UTP20: variants seen among roughly 807,000 people sequenced by gnomAD.
UTP20 encodes the protein small subunit processome component 20 homolog.
Under a neutral mutation model 329.5 loss-of-function variants are expected in UTP20, and 164 were observed. The ratio of observed to expected loss-of-function variants is 0.50; its 90% CI spans 0.44 to 0.57. The LOEUF (loss-of-function observed/expected upper bound fraction) is 0.57, where lower values mean the gene tolerates loss of function less well. Ranked by LOEUF, UTP20 falls within the 20% of genes least tolerant of loss-of-function variation. UTP20 has a pLI of 0.00. For synonymous variants in UTP20, 1,151 were observed against 1,159.3 expected (o/e 0.99, Z 0.14); for missense variants, 3,055 against 3,284.2 (o/e 0.93, Z 1.71).
In UTP20 at chr12:101,372,862, T is replaced by A. The variant is rs1870338740; in HGVS notation, c.6799-22T>A. ...ACTAGAGGTGAGATCCAAATAATCA[T>A]CTGTGTGACTTTTGTTCCTAGGTTT... On this transcript the variant is annotated intron_variant, in intron 51 of 61. Transcript: ENST00000261637. 3 of 1,591,624 alleles carry A rather than the reference T, an allele frequency of 1.9e-6. No homozygotes were observed. The African/African-American group carries it at 4.0e-5, about 21-fold the overall frequency.
At chr12:101,358,244 A>T (rs1277860598) in intron 43 of UTP20, among the ~76,000 whole-genome samples, 2 of 152,222 alleles carry the variant, frequency 1.3e-5, no homozygotes, top group Non-Finnish European at 2.9e-5. Context: ...GTCTACTGAG[A>T]ATCAGTATTT....
chr12:101,282,453 TG>T (rs1871830951), intron 2 of UTP20, among the ~76,000 whole-genome samples: 1 of 118,728 alleles, frequency 8.4e-6, no homozygotes, highest in Admixed American at 8.0e-5. Flanking sequence ...GTTATAGGTG[TG>T]TATAGGGTGT....
intron 38 of UTP20, among the ~76,000 whole-genome samples, chr12:101,351,049 C>T (rs1869501725): frequency 6.6e-6 from 1 of 152,058 alleles, no homozygotes; most frequent in Non-Finnish European, 1.5e-5. Flanking sequence ...ATAAGCCTCA[C>T]TTTATTTATT....
chr12:101,323,283 A>G (rs950390356), intron 25 of UTP20, among the ~76,000 whole-genome samples: 2 of 152,214 alleles, frequency 1.3e-5, no homozygotes, highest in African/African-American at 4.8e-5. Flanking sequence ...AGAAAATCTT[A>G]CATTGAATAC....
At position 101,340,554 on chromosome 12, in the gene UTP20, A is replaced by G. The variant is rs972108450; in HGVS notation, c.4045A>G (p.Ser1349Gly). Reference sequence around the variant, plus strand: ...CAAGTTTATGAAAGACAAAGAACAAAGTTCTGTACTCATTACGCTTCTCCT... The same window carrying G: ...CAAGTTTATGAAAGACAAAGAACAAGGTTCTGTACTCATTACGCTTCTCCT... The part of the protein sequence containing the change: ...ISKFMKDKEQ[S>G]SVLITLLLPF... Residue 1349 changes from serine (S) to glycine (G), a missense_variant, in exon 32 of 62, where the codon AGT becomes GGT. Coordinates refer to ENST00000261637, the MANE Select transcript of UTP20 (RefSeq NM_014503.3). 5 of 1,609,666 alleles carry G rather than the reference A, an allele frequency of 3.1e-6. No homozygotes were observed. The highest frequency in any genetic ancestry group is 4.2e-6 in the Non-Finnish European group (5 of 1,178,260).
chr12:101,355,082 T>C lies in UTP20; in HGVS notation c.5358T>C (p.Asp1786=), dbSNP rs771822578. The change falls in exon 41 of 62, where the codon GAT becomes GAC. Residue 1786 remains aspartate, a synonymous_variant. Transcript: ENST00000261637. The part of the protein sequence containing the change: ...IKNIQGTITG[D]ILPRLHKCLA... ...ATATCCAAGGAACCATAACCGGGGA[T>C]ATTCTCCCCAGGCTACATAAATGCC... is the stretch of plus-strand genomic sequence containing the variant. 6.2e-7 allele frequency: 1 copy of C among 1,614,136 alleles called. No homozygotes were observed. Among genetic ancestry groups the C allele is most frequent in the South Asian group, 1.1e-5 (1 of 91,078 alleles).
chr12:101,383,495 G>C, intron 59 of UTP20, 48 bp from the exon 60 acceptor site: 1 of 1,594,990 alleles, frequency 6.3e-7, no homozygotes, highest in South Asian at 1.1e-5. Flanking sequence ...CTATGATTGA[G>C]TGCTAAAGAG....
rs965719209 is a variant in UTP20 at position 101,280,112 on chromosome 12, C to G, written c.-171C>G. The G allele has an allele frequency of 2.5e-6, 2 of 795,102 alleles. No homozygotes were observed. Among genetic ancestry groups the G allele is most frequent in the Middle Eastern group, 2.4e-4 (1 of 4,134 alleles). 49.3% of individuals were successfully genotyped at this position (795,102 alleles called of 1,614,324 possible). Reference sequence around the variant, plus strand: ...TTTCCGTCCACGTGACCCACTCAGGCTCCTCCTTGTCTCCAACATGGCGGC... The same window carrying G: ...TTTCCGTCCACGTGACCCACTCAGGGTCCTCCTTGTCTCCAACATGGCGGC... On this transcript the variant is annotated 5_prime_UTR_variant, in exon 1 of 62. Transcript: ENST00000261637.
At chr12:101,290,683 C>G in intron 7 of UTP20, 50 bp from the exon 8 acceptor site, 8 of 1,539,726 alleles carry the variant, frequency 5.2e-6, no homozygotes, top group Non-Finnish European at 7.0e-6. Context: ...CAGAGCAATA[C>G]TTGAAAATAA....
At position 101,356,613 on chromosome 12, in the gene UTP20, C is replaced by T. The variant is rs577076209; in HGVS notation, c.5454C>T (p.Val1818=). Residue 1818 remains valine, a synonymous_variant, in exon 42 of 62, where the codon GTC becomes GTT. Transcript: ENST00000261637. ...VKSKVVNDEE[V]VRVPLAFAMV... is the part of the protein sequence containing the mutation. ...CAAAGGTTGTGAATGATGAGGAAGT[C>T]GTTCGAGTTCCATTAGCTTTTGCCA... is the stretch of plus-strand genomic sequence containing the variant. The T allele has an allele frequency of 2.0e-4, 316 of 1,613,894 alleles. No homozygotes were observed. The highest frequency in any genetic ancestry group is 1.6e-3 in the Middle Eastern group (10 of 6,062).
intron 56 of UTP20, among the ~76,000 whole-genome samples, 180 bp downstream of exon 56, chr12:101,375,936 A>T (rs929247149): frequency 6.6e-6 from 1 of 152,100 alleles, no homozygotes; most frequent in Admixed American, 6.6e-5. Flanking sequence ...TCCCTTCTGA[A>T]AAAAAAACGT....
chr12:101,298,164 A>T (rs764617312), intron 12 of UTP20, among the ~76,000 whole-genome samples: 1 of 152,208 alleles, frequency 6.6e-6, no homozygotes, highest in Non-Finnish European at 1.5e-5. Flanking sequence ...TACTTACGGT[A>T]TCAGGCACTG....
rs534808924 is a variant in UTP20 at position 101,321,199 on chromosome 12, G to A, written c.2915+262G>A. ...CTCTTCTTATTAATATAATGCCATA[G>A]AATCTTGGTGGTTACTTAGAGAATC... On this transcript the variant is annotated intron_variant, in intron 24 of 61. Coordinates refer to ENST00000261637, the MANE Select transcript of UTP20 (RefSeq NM_014503.3). Among the ~76,000 whole-genome samples the A allele has an allele frequency of 2.0e-4, 30 of 152,230 alleles. No homozygotes were observed. The South Asian group carries it at 6.2e-3, about 32-fold the overall frequency.
chr12:101,309,296 T>G (rs1437178654), intron 18 of UTP20, among the ~76,000 whole-genome samples: 1 of 152,198 alleles, frequency 6.6e-6, no homozygotes, highest in African/African-American at 2.4e-5. Context: ...CATGGGAATG[T>G]TAGTAATAAT....
At chr12:101,378,494 C>G (rs1052258842) in intron 56 of UTP20, among the ~76,000 whole-genome samples, 11 of 152,194 alleles carry the variant, frequency 7.2e-5, no homozygotes, top group African/African-American at 2.2e-4. Flanking sequence ...AAGGCTGAGG[C>G]AAGTGGATCA....
chr12:101,382,364 CT>C (rs1358011557), intron 58 of UTP20, among the ~76,000 whole-genome samples: 1 of 152,150 alleles, frequency 6.6e-6, no homozygotes, highest in Non-Finnish European at 1.5e-5. Flanking sequence ...CACCACTGCA[CT>C]CCAGCCTGGG....
At chr12:101,350,887 G>A (rs1015690049) in intron 38 of UTP20, among the ~76,000 whole-genome samples, 1 of 152,134 alleles carries the variant, frequency 6.6e-6, no homozygotes, top group Admixed American at 6.5e-5. Flanking sequence ...CCTCTGTGCA[G>A]CTCTCCTCTC....
intron 56 of UTP20, among the ~76,000 whole-genome samples, chr12:101,379,119 A>C (rs1014028529): frequency 1.3e-5 from 2 of 152,192 alleles, no homozygotes; most frequent in Non-Finnish European, 2.9e-5. Flanking sequence ...TGTACAGTAC[A>C]TCGTTGTTAA....
In UTP20 at chr12:101,292,060, A is replaced by T. The variant is rs79571582; in HGVS notation, c.1129A>T (p.Asn377Tyr). ...DVISALILGE[N>Y]VSLPETLIKE... ...AATTTCTGCTTTGATCCTGGGTGAAAATGTTTCCTTGCCGGAGACCCTCAT... is the reference window on the plus strand; with the variant it reads ...AATTTCTGCTTTGATCCTGGGTGAATATGTTTCCTTGCCGGAGACCCTCAT... The change falls in exon 10 of 62, where the codon AAT becomes TAT. Residue 377 changes from asparagine to tyrosine, a missense_variant. Physicochemically the swap from Asn to Tyr is moderately radical, Grantham distance 143. This residue lies in a region of UTP20 where 2,445 missense variants were observed against 2,575.5 expected (regional missense o/e 0.95). Coordinates refer to ENST00000261637, the MANE Select transcript of UTP20 (RefSeq NM_014503.3). The T allele has an allele frequency of 4.0e-4, 638 of 1,614,042 alleles. 1 individual carries two copies. The African/African-American group carries it at 7.2e-3, about 18-fold the overall frequency.
Sources: allele counts gnomAD v4.1 joint callset (sites outside exome capture counted in the v4.1 genomes callset), GRCh38; gene constraint gnomAD v4.1.1; regional missense constraint gnomAD v4.1.1; transcripts MANE v1.5; gene names NCBI Gene and HGNC (gene_info 2026-07-23, HGNC 2026-07-21).